RFX4: variants seen among roughly 807,000 people sequenced by gnomAD.
RFX4 encodes the protein transcription factor RFX4.
Under a neutral mutation model 95.0 loss-of-function variants are expected in RFX4, and 10 were observed. The observed-to-expected ratio is 0.11, with a 90% confidence interval of 0.06 to 0.18. The LOEUF (loss-of-function observed/expected upper bound fraction) is 0.18, where lower values mean the gene tolerates loss of function less well. Among genes scored for constraint, RFX4 ranks in the 10% least tolerant of loss-of-function variants. The pLI is 1.00. For synonymous variants in RFX4, 321 were observed against 340.7 expected (o/e 0.94, Z 0.64); for missense variants, 640 against 922.0 (o/e 0.69, Z 3.96).
At chr12:106,671,368 G>A (rs2041276924) in intron 4 of RFX4, among the ~76,000 whole-genome samples, 1 of 152,136 alleles carries the variant, frequency 6.6e-6, no homozygotes, top group Admixed American at 6.5e-5. Context: ...AGAGTGATGA[G>A]ACTGAATGGC....
At chr12:106,711,410 T>C in intron 9 of RFX4, 43 bp from the exon 10 acceptor site, 2 of 1,572,456 alleles carry the variant, frequency 1.3e-6, no homozygotes. Flanking sequence ...GTTAGAATCA[T>C]AAAGCATGCA....
chr12:106,662,139 A>T (rs1288590268), intron 4 of RFX4: 3 of 391,450 alleles, frequency 7.7e-6, no homozygotes, highest in South Asian at 6.2e-5. Flanking sequence ...TAAACTGCCA[A>T]ACTGTCTTCC....
rs150667379 is a variant in RFX4, at chr12:106,610,760, C to T, written c.130+1877C>T. ...TCTGTCTTTTGGTCACTGTAAATAA[C>T]GCTGTTTTGAACACAGGCATACAAA... On this transcript the variant is annotated intron_variant, in intron 2 of 17. Transcript: ENST00000392842. Among the ~76,000 whole-genome samples the T allele has an allele frequency of 2.2e-4, 33 of 152,248 alleles. 1 individual carries two copies. The highest frequency in any genetic ancestry group is 5.5e-4 in the African/African-American group (23 of 41,546).
At position 106,761,181 on chromosome 12, in the gene RFX4, C is replaced by A. The variant is rs2043202337; in HGVS notation, c.1936-16C>A. On this transcript the variant is annotated splice_polypyrimidine_tract_variant and intron_variant, in intron 17 of 17. Transcript: ENST00000392842. The stretch of plus-strand genomic sequence containing the variant: ...AGCTAATTTTAACTTTGTGGAATTT[C>A]TTTCCCCTCAACAAGTACCCTTTTA... 5 of 1,601,380 alleles carry A rather than the reference C, an allele frequency of 3.1e-6. No homozygotes were observed. Among genetic ancestry groups the A allele is most frequent in the Non-Finnish European group, 4.3e-6 (5 of 1,170,280 alleles).
intron 2 of RFX4, among the ~76,000 whole-genome samples, chr12:106,623,620 A>T (rs2040230331): frequency 6.6e-6 from 1 of 152,208 alleles, no homozygotes; most frequent in Non-Finnish European, 1.5e-5. Context: ...CTTACGAGGG[A>T]AAAAACCACT....
intron 13 of RFX4, among the ~76,000 whole-genome samples, chr12:106,725,532 C>G (rs960508546): frequency 1.3e-5 from 2 of 151,200 alleles, no homozygotes; most frequent in African/African-American, 4.9e-5. Context: ...TTAAAGCATG[C>G]TAATGTCTTT....
chr12:106,656,304 A>G (rs2040956042), intron 4 of RFX4, among the ~76,000 whole-genome samples: 1 of 152,182 alleles, frequency 6.6e-6, no homozygotes, highest in Non-Finnish European at 1.5e-5. Context: ...TCAAATACTC[A>G]AGAGCCACAT....
At chr12:106,753,030 C>T (rs564830949) in intron 17 of RFX4, among the ~76,000 whole-genome samples, 1 of 152,234 alleles carries the variant, frequency 6.6e-6, no homozygotes, top group South Asian at 2.1e-4. Context: ...TAAAATGTGC[C>T]CCATCTCTGG....
chr12:106,721,972 A>G (rs1326114117), intron 13 of RFX4, among the ~76,000 whole-genome samples: 1 of 152,228 alleles, frequency 6.6e-6, no homozygotes, highest in Non-Finnish European at 1.5e-5. Flanking sequence ...CACTTGGAGA[A>G]GTGTTTTGTT....
chr12:106,704,837 G>A (rs1410873068), intron 8 of RFX4, among the ~76,000 whole-genome samples: 1 of 152,120 alleles, frequency 6.6e-6, no homozygotes, highest in East Asian at 1.9e-4. Flanking sequence ...GCATGTGTGT[G>A]TGTGCGCGTG....
At chr12:106,660,536 C>T (rs1455200640) in intron 4 of RFX4, among the ~76,000 whole-genome samples, 1 of 152,044 alleles carries the variant, frequency 6.6e-6, no homozygotes, top group Non-Finnish European at 1.5e-5. Flanking sequence ...TGCATTTGGC[C>T]AACAAGCTAA....
intron 4 of RFX4, among the ~76,000 whole-genome samples, chr12:106,666,143 T>C (rs1485527158): frequency 6.6e-6 from 1 of 152,054 alleles, no homozygotes; most frequent in African/African-American, 2.4e-5. Flanking sequence ...GGATAATTTC[T>C]AGTGTACAGA....
At position 106,720,785 on chromosome 12, in the gene RFX4, G is replaced by A; in HGVS notation, c.1260G>A (p.Leu420=). 2.5e-6 allele frequency: 4 copies of A among 1,613,988 alleles called. 1 individual carries two copies. In the East Asian group the frequency reaches 8.9e-5, roughly 36 times the overall value. ...VKVAAKRQGS[L]KKVAQQFLLM... is the part of the protein sequence containing the mutation. ...TGGCTGCCAAGAGACAAGGGTCCTT[G>A]AAGAAAGTGGCCCAGCAGTTCCTCT... Residue 420 remains leucine (L), a synonymous_variant, in exon 13 of 18, where the codon TTG becomes TTA. Transcript: ENST00000392842. This position sits in a 1 kb window ranked among gnomAD's most constrained non-coding sequence, Gnocchi z 4.2.
chr12:106,624,861 C>T (rs1031156599), intron 2 of RFX4, among the ~76,000 whole-genome samples: 1 of 152,050 alleles, frequency 6.6e-6, no homozygotes, highest in Non-Finnish European at 1.5e-5. Context: ...TAACGATTGG[C>T]TATTGGCTGG....
At chr12:106,618,627 C>T in intron 2 of RFX4, among the ~76,000 whole-genome samples, 1 of 151,854 alleles carries the variant, frequency 6.6e-6, no homozygotes, top group East Asian at 1.9e-4. Flanking sequence ...TATTTTCAAT[C>T]TTACTATATA....
At chr12:106,601,825 C>A (rs960182481) in intron 1 of RFX4, among the ~76,000 whole-genome samples, 20 of 152,242 alleles carry the variant, frequency 1.3e-4, no homozygotes, top group African/African-American at 3.9e-4. Context: ...CCCAGAACCA[C>A]CAGGCCTTTC....
At chr12:106,629,354 A>G (rs1420810729) in intron 2 of RFX4, among the ~76,000 whole-genome samples, 1 of 152,230 alleles carries the variant, frequency 6.6e-6, no homozygotes, top group Non-Finnish European at 1.5e-5. Flanking sequence ...GTGTCCAGGT[A>G]AAGCTGTAGG....
chr12:106,647,545 C>T (rs946164137), intron 3 of RFX4, among the ~76,000 whole-genome samples: 1 of 152,144 alleles, frequency 6.6e-6, no homozygotes, highest in Non-Finnish European at 1.5e-5. Flanking sequence ...TTGACCTGTG[C>T]AAAAGCCTGC....
intron 5 of RFX4, chr12:106,682,968 T>G (rs1418079188): frequency 6.6e-6 from 1 of 152,212 alleles, no homozygotes; most frequent in East Asian, 1.9e-4. Flanking sequence ...TTAAACAGTT[T>G]CCTTTACTGC....
Sources: gnomAD v4.1 joint callset for allele counts (sites outside exome capture counted in the v4.1 genomes callset) on GRCh38, gnomAD v4.1.1 for gene constraint, Gnocchi (gnomAD v3.1) non-coding constraint, MANE v1.5 for transcripts, NCBI Gene and HGNC (gene_info 2026-07-23, HGNC 2026-07-21) for gene names.